Variants in ARHGEF3 observed in about 807,000 individuals in gnomAD.
ARHGEF3 encodes 59.8 kDA protein.
In ARHGEF3, 28 loss-of-function variants were observed where a neutral mutation model predicts 63.2. The observed-to-expected ratio is 0.44, with a 90% confidence interval of 0.33 to 0.61. The LOEUF (loss-of-function observed/expected upper bound fraction) is 0.61. ARHGEF3 is among the 20% of genes least tolerant of loss of function. The pLI, the probability that ARHGEF3 is intolerant of heterozygous loss-of-function variation, is 0.03. For missense variants in ARHGEF3, 533 were observed against 659.3 expected (o/e 0.81, Z 2.10); for synonymous variants, 266 against 254.2 (o/e 1.05, Z -0.44).
At chr3:56,809,984 C>T (rs1399404517) in intron 4 of ARHGEF3, among the ~76,000 whole-genome samples, 4 of 152,098 alleles carry the variant, frequency 2.6e-5, no homozygotes, top group Admixed American at 6.6e-5. Context: ...CCACCTGCCT[C>T]GACCTCCCAA....
intron 3 of ARHGEF3, among the ~76,000 whole-genome samples, chr3:56,909,150 A>G (rs2041784350): frequency 6.6e-6 from 1 of 152,252 alleles, no homozygotes; most frequent in South Asian, 2.1e-4. Context: ...GTGAAAAATT[A>G]GAGCAGAGTT....
intron 7 of ARHGEF3, among the ~76,000 whole-genome samples, chr3:56,740,254 A>C (rs2033927762): frequency 7.0e-6 from 1 of 142,632 alleles, no homozygotes. Context: ...TGGTGGTAGC[A>C]CTCACTACTT....
chr3:56,796,059 C>T (rs4681888), intron 1 of ARHGEF3, among the ~76,000 whole-genome samples: 117,542 of 151,840 alleles, frequency 0.77, 46,068 homozygotes, highest in Non-Finnish European at 0.83. Flanking sequence ...TAAATGGCAA[C>T]GCAGTCACGG....
chr3:57,078,496 G>C (rs565425155), intron 1 of ARHGEF3: 1 of 152,468 alleles, frequency 6.6e-6, no homozygotes, highest in Non-Finnish European at 1.5e-5. Context: ...AAGCCCAAGG[G>C]AACCCGTTTC....
At chr3:56,785,212 T>G (rs1578505659) in intron 1 of ARHGEF3, among the ~76,000 whole-genome samples, 1 of 152,170 alleles carries the variant, frequency 6.6e-6, no homozygotes, top group South Asian at 2.1e-4. Context: ...TATTCCTGCC[T>G]TCCTTTTCTT....
chr3:56,999,873 C>T (rs568286747), intron 2 of ARHGEF3, among the ~76,000 whole-genome samples: 1 of 152,270 alleles, frequency 6.6e-6, no homozygotes, highest in East Asian at 1.9e-4. Context: ...CTGAAGAGAA[C>T]ATAGTAGGCA....
intron 1 of ARHGEF3, among the ~76,000 whole-genome samples, chr3:56,780,641 A>G (rs1040777161): frequency 1.3e-5 from 2 of 150,160 alleles, no homozygotes; most frequent in African/African-American, 2.5e-5. Flanking sequence ...GTTGTCTTTC[A>G]TGATCTTATA....
chr3:56,844,234 T>C (rs1280978407), intron 4 of ARHGEF3, among the ~76,000 whole-genome samples: 2 of 152,234 alleles, frequency 1.3e-5, no homozygotes, highest in Non-Finnish European at 2.9e-5. Flanking sequence ...CTTGTTAGTA[T>C]GGATACTGCA....
chr3:56,767,677 G>A (rs887723114), intron 2 of ARHGEF3, among the ~76,000 whole-genome samples: 1 of 151,692 alleles, frequency 6.6e-6, no homozygotes, highest in African/African-American at 2.4e-5. Flanking sequence ...AAGTTTTTTG[G>A]TGATGGGAAG....
chr3:57,042,034 C>G (rs138459151), intron 1 of ARHGEF3, among the ~76,000 whole-genome samples: 50 of 152,312 alleles, frequency 3.3e-4, no homozygotes, highest in African/African-American at 1.2e-3. Context: ...AGTTACCAAA[C>G]AGTGCTCTGG....
exon 2 of ARHGEF3, chr3:57,035,114 A>G: frequency 6.5e-7 from 1 of 1,548,340 alleles, no homozygotes; most frequent in South Asian, 1.2e-5. Flanking sequence ...CCATTCCTCT[A>G]CAGCTGCATT....
chr3:56,888,556 C>T (rs571721486), intron 3 of ARHGEF3, among the ~76,000 whole-genome samples: 5 of 152,216 alleles, frequency 3.3e-5, no homozygotes, highest in Admixed American at 3.3e-4. Flanking sequence ...TTGCTATAGA[C>T]CACTTTCTAG....
chr3:56,967,401 A>C (rs182488989), intron 2 of ARHGEF3, among the ~76,000 whole-genome samples: 1 of 29,816 alleles, frequency 3.4e-5, no homozygotes, highest in Non-Finnish European at 5.6e-5. Flanking sequence ...TATATTATAT[A>C]ATATATTATA....
intron 3 of ARHGEF3, among the ~76,000 whole-genome samples, chr3:56,898,923 A>G (rs2088792): frequency 0.98 from 149,525 of 152,206 alleles, 73,500 homozygotes; most frequent in East Asian, 1. Context: ...GTGTGGTGGC[A>G]CACGCCTGTA....
intron 1 of ARHGEF3, among the ~76,000 whole-genome samples, chr3:57,050,859 T>G (rs1246446282): frequency 1.3e-5 from 2 of 152,212 alleles, no homozygotes; most frequent in African/African-American, 2.4e-5. Context: ...AATCTGCATG[T>G]CTGTGAACCC....
intron 1 of ARHGEF3, among the ~76,000 whole-genome samples, chr3:57,059,539 T>C (rs1260625414): frequency 1.3e-5 from 2 of 151,876 alleles, no homozygotes; most frequent in East Asian, 3.9e-4. Flanking sequence ...GTGAGCAGCA[T>C]GATTACAAGT....
At position 56,836,546 on chromosome 3, in the gene ARHGEF3, T is replaced by C. The variant is rs140532773; in HGVS notation, c.192+45746A>G. Among the ~76,000 whole-genome samples the C allele has an allele frequency of 4.0e-3, 609 of 152,282 alleles. 1 individual carries two copies. Among genetic ancestry groups the C allele is most frequent in the African/African-American group, 0.014 (571 of 41,566 alleles). ...AAGCGTTTTCAACCCATTCCCTGCC[T>C]ACCTGGATTTTTTTCTCGTTTTGCC... is the stretch of plus-strand genomic sequence containing the variant. On this transcript the variant is annotated intron_variant, in intron 4 of 12. Coordinates refer to the ARHGEF3 transcript ENST00000338458.
intron 4 of ARHGEF3, among the ~76,000 whole-genome samples, chr3:56,851,525 C>T (rs545609359): frequency 1.0e-3 from 151 of 148,774 alleles, no homozygotes; most frequent in African/African-American, 3.6e-3. Flanking sequence ...GTAGCTGGGA[C>T]TACAGGTGCA....
intron 3 of ARHGEF3, among the ~76,000 whole-genome samples, chr3:56,942,488 C>T (rs757883452): frequency 3.3e-5 from 5 of 152,142 alleles, no homozygotes; most frequent in Non-Finnish European, 7.4e-5. Flanking sequence ...GTTCTGACTG[C>T]TCTATCAACC....
Sources: allele counts gnomAD v4.1 joint callset (sites outside exome capture counted in the v4.1 genomes callset), GRCh38; gene constraint gnomAD v4.1.1; transcripts MANE v1.5; gene names NCBI Gene and HGNC (gene_info 2026-07-23, HGNC 2026-07-21).